ENTREP2: variants seen among roughly 807,000 people sequenced by gnomAD.
The protein encoded by ENTREP2 is endosomal transmembrane epsin interactor 2.
the ENTREP2 span, among the ~76,000 whole-genome samples, chr15:29,617,995 T>C: frequency 1.7e-3 from 260 of 152,342 alleles, no homozygotes; most frequent in African/African-American, 5.9e-3. Context: ...CTGACCAAGG[T>C]TGGGCTTCCT....
At chr15:29,275,402 T>G in the ENTREP2 span, among the ~76,000 whole-genome samples, 1 of 152,250 alleles carries the variant, frequency 6.6e-6, no homozygotes, top group African/African-American at 2.4e-5. Flanking sequence ...CTATGCACAT[T>G]CACATGTTCA....
the ENTREP2 span, among the ~76,000 whole-genome samples, chr15:29,397,833 T>C: frequency 0.13 from 20,346 of 152,180 alleles, 1,497 homozygotes; most frequent in Middle Eastern, 0.23. Flanking sequence ...CCAAATTGTC[T>C]TTATAAAGGT....
chr15:29,611,696 C>T, the ENTREP2 span, among the ~76,000 whole-genome samples: 6 of 152,118 alleles, frequency 3.9e-5, no homozygotes, highest in Non-Finnish European at 2.9e-5. Flanking sequence ...GGCTTTATCT[C>T]GGGGTTTGAT....
chr15:29,461,468 T>C, the ENTREP2 span, among the ~76,000 whole-genome samples: 1 of 152,152 alleles, frequency 6.6e-6, no homozygotes, highest in Non-Finnish European at 1.5e-5. Flanking sequence ...ATTTTCCATT[T>C]TCACCAGTTT....
At chr15:29,285,169 T>A in the ENTREP2 span, among the ~76,000 whole-genome samples, 145 of 152,324 alleles carry the variant, frequency 9.5e-4, no homozygotes, top group Non-Finnish European at 1.8e-3. Flanking sequence ...TGGGGGCTCT[T>A]TAAGCTGTGG....
At chr15:29,579,511 G>A in the ENTREP2 span, among the ~76,000 whole-genome samples, 3 of 140,868 alleles carry the variant, frequency 2.1e-5, no homozygotes, top group Admixed American at 7.8e-5. Context: ...ACTGGCCTTT[G>A]GTTTCTTTCT....
At chr15:29,386,894 T>A in the ENTREP2 span, among the ~76,000 whole-genome samples, 1 of 152,238 alleles carries the variant, frequency 6.6e-6, no homozygotes, top group Non-Finnish European at 1.5e-5. Flanking sequence ...TAAGGAGATT[T>A]TGGGCTGAGA....
At chr15:29,656,109 T>C in the ENTREP2 span, among the ~76,000 whole-genome samples, 9 of 151,260 alleles carry the variant, frequency 6.0e-5, no homozygotes, top group Non-Finnish European at 1.3e-4. Context: ...CACCTTTGAA[T>C]TCTATACCCA....
At chr15:29,161,801 G>C in the ENTREP2 span, among the ~76,000 whole-genome samples, 3 of 152,090 alleles carry the variant, frequency 2.0e-5, no homozygotes, top group African/African-American at 7.2e-5. Flanking sequence ...GCACACATAG[G>C]ATCATGGTGG....
At chr15:29,363,336 G>T in the ENTREP2 span, among the ~76,000 whole-genome samples, 1 of 152,040 alleles carries the variant, frequency 6.6e-6, no homozygotes, top group Admixed American at 6.6e-5. Flanking sequence ...TCATGGCTTC[G>T]AAAGAAAGCC....
the ENTREP2 span, among the ~76,000 whole-genome samples, chr15:29,654,571 C>T: frequency 6.6e-6 from 1 of 152,110 alleles, no homozygotes; most frequent in Admixed American, 6.5e-5. Context: ...TACACCCATC[C>T]TACGCTCTCA....
the ENTREP2 span, among the ~76,000 whole-genome samples, chr15:29,632,946 C>T: frequency 6.6e-6 from 1 of 152,200 alleles, no homozygotes; most frequent in Non-Finnish European, 1.5e-5. Flanking sequence ...AGCCACTCTC[C>T]ACTGTGAGAC....
At chr15:29,163,763 C>T in the ENTREP2 span, among the ~76,000 whole-genome samples, 1 of 152,112 alleles carries the variant, frequency 6.6e-6, no homozygotes. Flanking sequence ...TAGAGGAAAA[C>T]TTCCCTGGCC....
chr15:29,561,784 C>T, the ENTREP2 span, among the ~76,000 whole-genome samples: 2 of 152,112 alleles, frequency 1.3e-5, no homozygotes, highest in East Asian at 3.9e-4. Flanking sequence ...GTAGAGGAGG[C>T]TGGTTTGGGT....
the ENTREP2 span, among the ~76,000 whole-genome samples, chr15:29,544,860 G>A: frequency 5.9e-5 from 9 of 152,180 alleles, no homozygotes; most frequent in Non-Finnish European, 1.3e-4. Flanking sequence ...CTGAGAAACA[G>A]CTGTGTCTGC....
At chr15:29,250,859 C>T in the ENTREP2 span, among the ~76,000 whole-genome samples, 2 of 152,094 alleles carry the variant, frequency 1.3e-5, no homozygotes, top group African/African-American at 2.4e-5. Flanking sequence ...TACACCATAC[C>T]GAGAATACTT....
the ENTREP2 span, among the ~76,000 whole-genome samples, chr15:29,384,110 C>T: frequency 6.6e-6 from 1 of 152,190 alleles, no homozygotes; most frequent in Non-Finnish European, 1.5e-5. Context: ...ACCCAGTGGG[C>T]ACACCATGTT....
chr15:29,361,791 G>T, the ENTREP2 span, among the ~76,000 whole-genome samples: 3 of 152,176 alleles, frequency 2.0e-5, no homozygotes, highest in African/African-American at 7.2e-5. Flanking sequence ...AATCAGCCCA[G>T]GGTTAGACAC....
At chr15:29,547,647 A>C in the ENTREP2 span, among the ~76,000 whole-genome samples, 3 of 152,198 alleles carry the variant, frequency 2.0e-5, no homozygotes, top group Non-Finnish European at 4.4e-5. Context: ...GGTAGGAATA[A>C]AAAATGGTGC....
Sources: gnomAD v4.1 joint callset for allele counts (sites outside exome capture counted in the v4.1 genomes callset) on GRCh38, gnomAD v4.1.1 for gene constraint, MANE v1.5 for transcripts, NCBI Gene and HGNC (gene_info 2026-07-23, HGNC 2026-07-21) for gene names.